Variants in PRKAR1A observed in about 807,000 individuals in gnomAD.
The protein encoded by PRKAR1A is protein kinase cAMP-dependent type I regulatory subunit alpha.
In PRKAR1A, 3 loss-of-function variants were observed where a neutral mutation model predicts 52.0. That is an observed-to-expected ratio of 0.06 (90% CI 0.03 to 0.15). The LOEUF (loss-of-function observed/expected upper bound fraction) is 0.15, where lower values mean the gene tolerates loss of function less well. PRKAR1A is among the 10% of genes least tolerant of loss of function. The pLI is 1.00. For missense variants in PRKAR1A, 240 were observed against 477.4 expected, an observed-to-expected ratio of 0.50 and a Z score of 4.63; for synonymous variants, 188 against 168.4, an observed-to-expected ratio of 1.12 and a Z score of -0.90.
In PRKAR1A at chr17:68,530,308, T is replaced by G; in HGVS notation, c.1005T>G (p.Arg335=). Residue 335 remains arginine, a synonymous_variant, in exon 11 of 11, where the codon CGT becomes CGG. Coordinates refer to ENST00000589228, the MANE Select transcript of PRKAR1A (RefSeq NM_002734.5). ...TTGCACTACTGATGAATCGTCCTCG[T>G]GCTGCCACAGTTGTTGCTCGTGGCC... The part of the protein sequence containing the change: ...GEIALLMNRP[R]AATVVARGPL... 6.2e-7 allele frequency: 1 copy of G among 1,614,176 alleles called. No homozygotes were observed. The highest frequency in any genetic ancestry group is 8.5e-7 in the Non-Finnish European group (1 of 1,179,986).
chr17:68,536,522 C>T (rs1259527594), downstream of PRKAR1A: 1 of 453,924 alleles, frequency 2.2e-6, no homozygotes, highest in Non-Finnish European at 4.4e-6. Context: ...CTTTTTTGAG[C>T]CAGCCGTCAC....
At chr17:68,549,101 G>T (rs1168133116) in intron 11 of PRKAR1A, among the ~76,000 whole-genome samples, 1 of 152,154 alleles carries the variant, frequency 6.6e-6, no homozygotes, top group East Asian at 1.9e-4. Context: ...TTATTTTCCT[G>T]CAAAGGAAAT....
Position 68,525,926 on chromosome 17 carries a change from G to A in PRKAR1A, c.708+14G>A. The A allele has an allele frequency of 1.9e-6, 3 of 1,612,622 alleles. No homozygotes were observed. Among genetic ancestry groups the A allele is most frequent in the African/African-American group, 1.3e-5 (1 of 74,882 alleles). On this transcript the variant is annotated intron_variant, in intron 7 of 10. Transcript: ENST00000589228. ...AGAATCCTCATGGTAAGAGACCATGGTGTTTGAGAGTGTGATTTAGAATTC... is the reference window on the plus strand; with the variant it reads ...AGAATCCTCATGGTAAGAGACCATGATGTTTGAGAGTGTGATTTAGAATTC...
At chr17:68,447,654 G>C in the PRKAR1A span, among the ~76,000 whole-genome samples, 2 of 152,154 alleles carry the variant, frequency 1.3e-5, no homozygotes, top group Non-Finnish European at 2.9e-5. Flanking sequence ...GCCTCCTGAA[G>C]TGCTGGGACC....
intron 1 of PRKAR1A, 167 bp downstream of exon 1, chr17:68,512,715 CG>C (rs2085298348): frequency 6.6e-6 from 1 of 152,208 alleles, no homozygotes. Context: ...GCAGGCCTCA[CG>C]CCCCCGGCTC....
intron 11 of PRKAR1A, chr17:68,542,106 A>G (rs2086324461): frequency 1.9e-6 from 3 of 1,614,024 alleles, no homozygotes; most frequent in East Asian, 2.2e-5. Flanking sequence ...GGGTTGCCAC[A>G]GACAGCATAC....
the PRKAR1A span, among the ~76,000 whole-genome samples, chr17:68,443,707 T>A: frequency 1.3e-5 from 2 of 152,168 alleles, no homozygotes; most frequent in Non-Finnish European, 2.9e-5. Flanking sequence ...AAACAGCAAA[T>A]AGAAGCAGTT....
At chr17:68,539,177 A>T (rs927281178) in intron 11 of PRKAR1A, among the ~76,000 whole-genome samples, 1 of 152,250 alleles carries the variant, frequency 6.6e-6, no homozygotes, top group African/African-American at 2.4e-5. Flanking sequence ...CTGAGATGTC[A>T]TGCAGTGCAC....
At chr17:68,480,020 C>CA in the PRKAR1A span, among the ~76,000 whole-genome samples, 1 of 152,188 alleles carries the variant, frequency 6.6e-6, no homozygotes, top group East Asian at 1.9e-4. Flanking sequence ...TACCTCCCAC[C>CA]AGGTCCCTCC....
At chr17:68,470,138 A>G in the PRKAR1A span, among the ~76,000 whole-genome samples, 2 of 150,230 alleles carry the variant, frequency 1.3e-5, no homozygotes, top group African/African-American at 4.9e-5. Context: ...GCTGGAGTGC[A>G]GTTGCGTGAC....
At chr17:68,432,539 CA>C in the PRKAR1A span, among the ~76,000 whole-genome samples, 1 of 152,020 alleles carries the variant, frequency 6.6e-6, no homozygotes, top group Admixed American at 6.6e-5. Flanking sequence ...ATGAGGTCCG[CA>C]TGTGTCAGCA....
chr17:68,551,137 G>A (rs2086816829), exon 12 of PRKAR1A: 4 of 1,233,502 alleles, frequency 3.2e-6, no homozygotes, highest in African/African-American at 1.6e-5. Flanking sequence ...CACTGGGGCC[G>A]AACTCTAGGA....
At chr17:68,496,818 C>CTTTT in the PRKAR1A span, among the ~76,000 whole-genome samples, 4,035 of 90,990 alleles carry the variant, frequency 0.044, 327 homozygotes, top group Non-Finnish European at 0.053. Flanking sequence ...TTAGTTTTTA[C>CTTTT]TTTTTTTTTT....
At chr17:68,422,697 C>G in the PRKAR1A span, 1 of 123,248 alleles carries the variant, frequency 8.1e-6, no homozygotes, top group African/African-American at 3.0e-5. Flanking sequence ...CCAACACATT[C>G]TAGCCTGAGG....
the PRKAR1A span, among the ~76,000 whole-genome samples, chr17:68,426,882 A>G: frequency 1.8e-4 from 28 of 152,346 alleles, no homozygotes; most frequent in African/African-American, 6.7e-4. Flanking sequence ...CTTGTTAGGA[A>G]AAAGACCGTA....
intron 10 of PRKAR1A, 51 bp downstream of exon 10, chr17:68,530,052 T>C: frequency 6.4e-7 from 1 of 1,572,646 alleles, no homozygotes; most frequent in Non-Finnish European, 8.8e-7. Flanking sequence ...AAGTCACCTC[T>C]CAGTGAGATA....
the PRKAR1A span, among the ~76,000 whole-genome samples, chr17:68,461,196 AAAAC>A: frequency 4.9e-4 from 75 of 152,334 alleles, no homozygotes; most frequent in South Asian, 4.1e-4. The surrounding 1 kb of genome is among the most constrained non-coding windows in gnomAD (Gnocchi z 4.6). Flanking sequence ...CCTGAAAAAC[AAAAC>A]AAACAAACAA....
intron 11 of PRKAR1A, among the ~76,000 whole-genome samples, chr17:68,549,212 C>A (rs945515130): frequency 1.3e-5 from 2 of 152,070 alleles, no homozygotes; most frequent in African/African-American, 2.4e-5. Flanking sequence ...GAAAGGCATC[C>A]GGCCAGGTGC....
At chr17:68,519,211 A>G (rs1048648897) in intron 2 of PRKAR1A, among the ~76,000 whole-genome samples, 7 of 152,136 alleles carry the variant, frequency 4.6e-5, no homozygotes, top group South Asian at 2.1e-4. Flanking sequence ...CGCTCTGTGT[A>G]CCATTTTACT....
Sources: allele counts gnomAD v4.1 joint callset (sites outside exome capture counted in the v4.1 genomes callset), GRCh38; gene constraint gnomAD v4.1.1; non-coding constraint Gnocchi (gnomAD v3.1); transcripts MANE v1.5; gene names NCBI Gene and HGNC (gene_info 2026-07-23, HGNC 2026-07-21).